The following CPEB3 variants were observed in gnomAD, a reference collection of about 807,000 sequenced individuals.
CPEB3 encodes cytoplasmic polyadenylation element-binding protein 3.
CPEB3 carries 20 observed loss-of-function variants against 67.2 expected under a neutral mutation model. That is an observed-to-expected ratio of 0.30 (90% CI 0.21 to 0.43). CPEB3 has a LOEUF of 0.43. CPEB3 is among the 20% of genes least tolerant of loss of function. The pLI is 1.00. For missense variants in CPEB3, 746 were observed against 968.6 expected, an observed-to-expected ratio of 0.77 and a Z score of 3.05; for synonymous variants, 376 against 393.1, an observed-to-expected ratio of 0.96 and a Z score of 0.51.
chr10:92,285,003 G>T (rs1025268558), intron 1 of CPEB3, among the ~76,000 whole-genome samples: 1 of 152,198 alleles, frequency 6.6e-6, no homozygotes, highest in Admixed American at 6.5e-5. Context: ...TCTGGAGGCT[G>T]GGAAGTCCAA....
chr10:92,279,108 C>T (rs1339281703), intron 1 of CPEB3, among the ~76,000 whole-genome samples: 1 of 152,124 alleles, frequency 6.6e-6, no homozygotes, highest in Admixed American at 6.6e-5. Context: ...ATATTCTTGC[C>T]TTGTTCCTGA....
intron 6 of CPEB3, among the ~76,000 whole-genome samples, chr10:92,126,355 T>A (rs934876548): frequency 6.6e-6 from 1 of 152,166 alleles, no homozygotes; most frequent in African/African-American, 2.4e-5. Context: ...AAAGAACTTA[T>A]CCTTGCAGTC....
intron 8 of CPEB3, among the ~76,000 whole-genome samples, chr10:92,088,434 C>G (rs2133274629): frequency 6.6e-6 from 1 of 151,920 alleles, no homozygotes; most frequent in African/African-American, 2.4e-5. Flanking sequence ...ACCATGTTGC[C>G]CAGGCTGGTC....
At chr10:92,246,444 A>G (rs1852072543) in intron 1 of CPEB3, among the ~76,000 whole-genome samples, 1 of 152,140 alleles carries the variant, frequency 6.6e-6, no homozygotes, top group Admixed American at 6.5e-5. Context: ...AAGTAAAATA[A>G]TCCTTCATAA....
intron 4 of CPEB3, among the ~76,000 whole-genome samples, chr10:92,150,216 G>C (rs982636094): frequency 1.3e-5 from 2 of 151,868 alleles, no homozygotes; most frequent in Admixed American, 6.6e-5. Context: ...GGTATTTCCA[G>C]AGCTTGAAAA....
chr10:92,225,015 G>A (rs764499885), intron 2 of CPEB3, among the ~76,000 whole-genome samples: 29 of 142,754 alleles, frequency 2.0e-4, no homozygotes, highest in Admixed American at 2.9e-4. Flanking sequence ...ACACTCTGTC[G>A]CCAGGCTGGA....
chr10:92,116,518 C>T lies in CPEB3; in HGVS notation c.1454-5324G>A, dbSNP rs899015429. 2.0e-5 allele frequency among the ~76,000 whole-genome samples: 3 copies of T among 151,824 alleles called. No homozygotes were observed. In the South Asian group the frequency reaches 6.2e-4, roughly 32 times the overall value. On this transcript the variant is annotated intron_variant, in intron 6 of 9. Coordinates refer to ENST00000265997, the MANE Select transcript of CPEB3 (RefSeq NM_014912.5). ...TATTTTAAAGTAAAAACCAATTATG[C>T]CTATAAACAGAGCTTCTCTATTAGT...
chr10:92,225,552 C>T (rs1051987321), intron 2 of CPEB3, among the ~76,000 whole-genome samples: 1 of 151,930 alleles, frequency 6.6e-6, no homozygotes, highest in Non-Finnish European at 1.5e-5. Context: ...CTATCTAAAT[C>T]CCCCAAATAT....
intron 4 of CPEB3, among the ~76,000 whole-genome samples, chr10:92,152,409 G>C (rs1255943853): frequency 6.6e-6 from 1 of 152,136 alleles, no homozygotes; most frequent in African/African-American, 2.4e-5. Context: ...TCTTGAGATT[G>C]GCTTCTTTCA....
At chr10:92,096,581 A>G (rs1843889477) in intron 7 of CPEB3, among the ~76,000 whole-genome samples, 1 of 152,160 alleles carries the variant, frequency 6.6e-6, no homozygotes, top group South Asian at 2.1e-4. Flanking sequence ...CCCTGAAATT[A>G]TCCTGACATG....
intron 1 of CPEB3, among the ~76,000 whole-genome samples, chr10:92,249,111 G>T (rs1852185625): frequency 6.6e-6 from 1 of 152,160 alleles, no homozygotes; most frequent in Admixed American, 6.5e-5. Flanking sequence ...GGGCATGGTG[G>T]CTCATGCCTG....
intron 4 of CPEB3, among the ~76,000 whole-genome samples, chr10:92,156,265 T>C (rs1289216063): frequency 6.6e-6 from 1 of 152,032 alleles, no homozygotes; most frequent in Non-Finnish European, 1.5e-5. Context: ...AGAGGAAGGG[T>C]GACCTGTATG....
intron 4 of CPEB3, among the ~76,000 whole-genome samples, chr10:92,173,539 G>T (rs953711928): frequency 6.6e-6 from 1 of 152,068 alleles, no homozygotes; most frequent in Non-Finnish European, 1.5e-5. Flanking sequence ...CAAAGACACC[G>T]AATTTGCATG....
intron 1 of CPEB3, among the ~76,000 whole-genome samples, chr10:92,277,767 T>C (rs955202053): frequency 1.7e-4 from 26 of 151,770 alleles, no homozygotes; most frequent in African/African-American, 6.3e-4. Context: ...GGCAGGTGCA[T>C]GTAGTCCCAG....
At chr10:92,220,103 G>A (rs570975700) in intron 2 of CPEB3, among the ~76,000 whole-genome samples, 7 of 152,114 alleles carry the variant, frequency 4.6e-5, no homozygotes, top group East Asian at 1.9e-4. Flanking sequence ...TGCGGTGAGC[G>A]GAGATTGGGC....
intron 9 of CPEB3, 107 bp from the exon 10 acceptor site, chr10:92,052,546 G>C: frequency 1.1e-6 from 1 of 925,388 alleles, no homozygotes. Context: ...TCAATCAGAC[G>C]CTGCTTTCAA....
chr10:92,173,615 G>A (rs1230410307), intron 4 of CPEB3, among the ~76,000 whole-genome samples: 1 of 152,058 alleles, frequency 6.6e-6, no homozygotes, highest in East Asian at 1.9e-4. Flanking sequence ...AGTTTCTAAA[G>A]CAAAAGGTAC....
chr10:92,116,735 T>C (rs1845049265), intron 6 of CPEB3, among the ~76,000 whole-genome samples: 1 of 152,202 alleles, frequency 6.6e-6, no homozygotes, highest in Non-Finnish European at 1.5e-5. Context: ...AGCCAGTCTA[T>C]GAAAGCAGAC....
chr10:92,177,542 T>C (rs558821551), intron 4 of CPEB3, among the ~76,000 whole-genome samples: 29 of 152,350 alleles, frequency 1.9e-4, no homozygotes, highest in African/African-American at 7.0e-4. Flanking sequence ...GAAAAATCAG[T>C]AGACTCTTTG....
Sources: allele counts gnomAD v4.1 joint callset (sites outside exome capture counted in the v4.1 genomes callset), GRCh38; gene constraint gnomAD v4.1.1; transcripts MANE v1.5; gene names NCBI Gene and HGNC (gene_info 2026-07-23, HGNC 2026-07-21).